SYT14: variants seen among roughly 807,000 people sequenced by gnomAD.
The protein encoded by SYT14 is synaptotagmin 14.
SYT14 carries 32 observed loss-of-function variants against 74.2 expected under a neutral mutation model. The ratio of observed to expected loss-of-function variants is 0.43; its 90% CI spans 0.33 to 0.58. The LOEUF (loss-of-function observed/expected upper bound fraction) is 0.58, where lower values mean the gene tolerates loss of function less well. SYT14 is among the 20% of genes least tolerant of loss of function. The pLI is 0.05. For missense variants in SYT14, 791 were observed against 981.8 expected (o/e 0.81, Z 2.60); for synonymous variants, 298 against 337.7 (o/e 0.88, Z 1.29).
intron 2 of SYT14, among the ~76,000 whole-genome samples, chr1:209,960,964 C>T (rs1195271247): frequency 1.3e-5 from 2 of 152,184 alleles, no homozygotes; most frequent in African/African-American, 4.8e-5. Context: ...CTTGGTGCTG[C>T]TTTTCCAAAC....
chr1:210,153,077 T>C (rs1052069008), intron 7 of SYT14, among the ~76,000 whole-genome samples: 8 of 152,188 alleles, frequency 5.3e-5, no homozygotes, highest in African/African-American at 1.9e-4. Flanking sequence ...TGGACATTCT[T>C]TCATATGTCT....
intron 2 of SYT14, 100 bp downstream of exon 2, chr1:209,952,856 TGTAAATTTTA>T (rs2078933889): frequency 8.0e-7 from 1 of 1,245,668 alleles, no homozygotes; most frequent in East Asian, 2.4e-5. Context: ...ATTTATGAAG[TGTAAATTTTA>T]GTAAATATTA....
intron 5 of SYT14, among the ~76,000 whole-genome samples, chr1:210,041,302 GAC>G (rs1248453943): frequency 6.6e-6 from 1 of 152,162 alleles, no homozygotes; most frequent in Non-Finnish European, 1.5e-5. Context: ...CAGCAGGAGG[GAC>G]TTATGGTGGC....
chr1:210,020,789 G>A (rs1460090967), intron 4 of SYT14, among the ~76,000 whole-genome samples: 1 of 151,998 alleles, frequency 6.6e-6, no homozygotes, highest in African/African-American at 2.4e-5. Context: ...TTTTTCCAAA[G>A]CTTGGGCTTC....
intron 2 of SYT14, among the ~76,000 whole-genome samples, chr1:209,989,561 A>G (rs540203073): frequency 1.5e-4 from 23 of 152,112 alleles, no homozygotes; most frequent in African/African-American, 5.3e-4. Flanking sequence ...TTACTTATTA[A>G]GTTTTAACAT....
At chr1:210,148,408 C>G (rs1233217823) in intron 7 of SYT14, among the ~76,000 whole-genome samples, 1 of 151,690 alleles carries the variant, frequency 6.6e-6, no homozygotes, top group Non-Finnish European at 1.5e-5. Context: ...ATGCAGGAGG[C>G]TGAGGCAGGA....
At chr1:210,002,215 C>T (rs1158546600) in intron 2 of SYT14, among the ~76,000 whole-genome samples, 1 of 151,986 alleles carries the variant, frequency 6.6e-6, no homozygotes, top group Non-Finnish European at 1.5e-5. Flanking sequence ...GTAACCAGAA[C>T]CCAGGTAGAG....
chr1:210,087,833 C>T (rs1478530492), intron 5 of SYT14, among the ~76,000 whole-genome samples: 2 of 152,148 alleles, frequency 1.3e-5, no homozygotes, highest in South Asian at 2.1e-4. Flanking sequence ...GGCTCTGCAC[C>T]GCTGTGGCTT....
intron 5 of SYT14, among the ~76,000 whole-genome samples, chr1:210,067,917 C>T (rs1431590416): frequency 6.6e-6 from 1 of 151,772 alleles, no homozygotes; most frequent in Non-Finnish European, 1.5e-5. Flanking sequence ...GTATCTTGTT[C>T]AACAATCTTG....
chr1:210,018,008 C>T (rs2080221384), intron 4 of SYT14, among the ~76,000 whole-genome samples: 1 of 152,122 alleles, frequency 6.6e-6, no homozygotes, highest in Non-Finnish European at 1.5e-5. Flanking sequence ...TAGGGATCTG[C>T]TATTTATCTA....
intron 2 of SYT14, among the ~76,000 whole-genome samples, chr1:209,995,187 C>T (rs1191000686): frequency 6.6e-6 from 1 of 152,120 alleles, no homozygotes; most frequent in African/African-American, 2.4e-5. Context: ...ACTTAAAAGA[C>T]ACAGAGTGGC....
intron 7 of SYT14, among the ~76,000 whole-genome samples, chr1:210,113,169 T>C (rs2082297344): frequency 6.6e-6 from 1 of 151,240 alleles, no homozygotes; most frequent in African/African-American, 2.5e-5. Context: ...AGCCCTGCAC[T>C]TCGGCTGTGT....
exon 10 of SYT14, chr1:210,162,925 T>C (rs1255711259): frequency 2.2e-6 from 1 of 452,648 alleles, no homozygotes; most frequent in South Asian, 1.6e-5. Context: ...AATGAGCTTT[T>C]TCCAGGATTT....
exon 7 of SYT14, chr1:210,100,085 C>G: frequency 6.2e-7 from 1 of 1,614,096 alleles, no homozygotes; most frequent in South Asian, 1.1e-5. Flanking sequence ...AAATATGGCA[C>G]ACTGGATGTG....
intron 2 of SYT14, among the ~76,000 whole-genome samples, chr1:209,979,328 T>C (rs1572103324): frequency 6.6e-6 from 1 of 152,322 alleles, no homozygotes; most frequent in East Asian, 1.9e-4. Flanking sequence ...GAGCTGTTCC[T>C]ATTCGGCCAT....
exon 10 of SYT14, chr1:210,170,917 A>G (rs2083518771): frequency 6.6e-6 from 1 of 152,174 alleles, no homozygotes; most frequent in Non-Finnish European, 1.5e-5. Context: ...ATTTAAAAAT[A>G]TTCTCCTTTA....
At chr1:210,001,372 C>G (rs1308921173) in intron 2 of SYT14, among the ~76,000 whole-genome samples, 1 of 151,568 alleles carries the variant, frequency 6.6e-6, no homozygotes, top group African/African-American at 2.4e-5. Context: ...AGTTGATTTT[C>G]TAATGTTACA....
chr1:209,985,318 A>G (rs993773108), intron 2 of SYT14, among the ~76,000 whole-genome samples: 1 of 152,250 alleles, frequency 6.6e-6, no homozygotes, highest in African/African-American at 2.4e-5. Context: ...TGCAGACCCC[A>G]TGTTAGTTCA....
chr1:210,062,180 G>T (rs1237725441), intron 5 of SYT14, among the ~76,000 whole-genome samples: 1 of 151,774 alleles, frequency 6.6e-6, no homozygotes, highest in Non-Finnish European at 1.5e-5. Flanking sequence ...TTAGCCTGCT[G>T]GATGGATAAT....
Sources: gnomAD v4.1 joint callset for allele counts (sites outside exome capture counted in the v4.1 genomes callset) on GRCh38, gnomAD v4.1.1 for gene constraint, MANE v1.5 for transcripts, NCBI Gene and HGNC (gene_info 2026-07-23, HGNC 2026-07-21) for gene names.